Variants in ZNF469 observed in about 807,000 individuals in gnomAD.
The protein encoded by ZNF469 is zinc finger protein 469.
A neutral mutation model predicts 1.0 loss-of-function variants in ZNF469; 1 was observed. That is an observed-to-expected ratio of 1.00 (90% CI 0.35 to 4.73). The LOEUF (loss-of-function observed/expected upper bound fraction) is 4.73. Among genes scored for constraint, ZNF469 ranks in the 30% most tolerant of loss-of-function variants. The pLI is 0.16. For synonymous variants in ZNF469, 2,703 were observed against 2,363.4 expected (o/e 1.14, Z -4.17); for missense variants, 6,100 against 5,356.3 (o/e 1.14, Z -4.33).
the ZNF469 span, among the ~76,000 whole-genome samples, chr16:88,226,003 T>C: frequency 0.97 from 147,755 of 152,124 alleles, 71,901 homozygotes; most frequent in East Asian, 1. Context: ...GCTTTCTCTG[T>C]AGCCCCAGGA....
chr16:88,300,053 G>C, the ZNF469 span, among the ~76,000 whole-genome samples: 1 of 152,222 alleles, frequency 6.6e-6, no homozygotes, highest in Non-Finnish European at 1.5e-5. Flanking sequence ...GATGAGGAAG[G>C]AACGGGAGAA....
chr16:88,195,664 T>C, the ZNF469 span, among the ~76,000 whole-genome samples: 1 of 152,154 alleles, frequency 6.6e-6, no homozygotes, highest in African/African-American at 2.4e-5. Flanking sequence ...CAGCTAACAA[T>C]GGCAGATGGA....
the ZNF469 span, among the ~76,000 whole-genome samples, chr16:88,328,507 G>A: frequency 6.6e-6 from 1 of 152,238 alleles, no homozygotes; most frequent in Non-Finnish European, 1.5e-5. Context: ...CACGGCCCCA[G>A]TGCAAGACAC....
chr16:88,185,205 C>A, the ZNF469 span, among the ~76,000 whole-genome samples: 3 of 148,782 alleles, frequency 2.0e-5, no homozygotes, highest in Non-Finnish European at 3.0e-5. Context: ...ATTGGGACAC[C>A]CACGCATAGA....
At chr16:88,237,703 T>C in the ZNF469 span, among the ~76,000 whole-genome samples, 1 of 53,076 alleles carries the variant, frequency 1.9e-5, no homozygotes, top group Non-Finnish European at 4.5e-5. Flanking sequence ...TCTGTGCTCC[T>C]GCCAGTCACC....
chr16:88,415,523 A>G (rs1905280338), intron 1 of ZNF469, among the ~76,000 whole-genome samples: 1 of 152,204 alleles, frequency 6.6e-6, no homozygotes, highest in African/African-American at 2.4e-5. Context: ...CAGCCTGGGA[A>G]TGGCAGTGCA....
chr16:88,217,158 C>G, the ZNF469 span, among the ~76,000 whole-genome samples: 1 of 146,504 alleles, frequency 6.8e-6, no homozygotes, highest in South Asian at 2.2e-4. Flanking sequence ...TGAATACTAA[C>G]ACGGTGAATA....
chr16:88,122,930 C>G, the ZNF469 span, among the ~76,000 whole-genome samples: 5 of 148,704 alleles, frequency 3.4e-5, no homozygotes, highest in African/African-American at 1.3e-4. Flanking sequence ...ACAGCCTTGT[C>G]CTCCTGGGTT....
the ZNF469 span, among the ~76,000 whole-genome samples, chr16:88,341,531 G>T: frequency 5.1e-4 from 78 of 152,164 alleles, no homozygotes; most frequent in Non-Finnish European, 1.5e-5. Flanking sequence ...ATTTCCTTTC[G>T]CATTGACTCT....
At chr16:88,385,093 TG>T (rs955459905) in intron 1 of ZNF469, among the ~76,000 whole-genome samples, 1 of 152,206 alleles carries the variant, frequency 6.6e-6, no homozygotes, top group Non-Finnish European at 1.5e-5. Context: ...TTGACATTCC[TG>T]GTCAGGCCCC....
intron 1 of ZNF469, among the ~76,000 whole-genome samples, chr16:88,411,080 C>A (rs1274068554): frequency 3.3e-5 from 5 of 152,172 alleles, no homozygotes; most frequent in Non-Finnish European, 5.9e-5. Flanking sequence ...CAGGGCGACT[C>A]CTCTTAGCTA....
chr16:88,201,018 C>T, the ZNF469 span, among the ~76,000 whole-genome samples: 7 of 152,208 alleles, frequency 4.6e-5, no homozygotes, highest in Non-Finnish European at 1.5e-5. The surrounding 1 kb of genome is among the most constrained non-coding windows in gnomAD (Gnocchi z 5.0). Flanking sequence ...TTCTTTGGGA[C>T]CACGTCATCA....
intron 1 of ZNF469, among the ~76,000 whole-genome samples, chr16:88,393,240 C>T (rs942842528): frequency 1.3e-5 from 2 of 152,270 alleles, no homozygotes; most frequent in African/African-American, 4.8e-5. Context: ...AGCGGCCCTC[C>T]GTGCCCGGCC....
rs1189314507 is a variant in ZNF469 at position 88,429,856 on chromosome 16, A to G, written c.2386A>G (p.Thr796Ala). ...CGCGGGCTTGCTCAGCCACGCGAAG[A>G]CCTTCCTGTTAGCTGGGGACGCCCA... ...AHAGLLSHAKTFLLAGDAQAE... is the reference protein window; with the variant it reads ...AHAGLLSHAKAFLLAGDAQAE... The change falls in exon 3 of 3, where the codon ACC becomes GCC. Residue 796 changes from threonine (T) to alanine (A), a missense_variant. Transcript: ENST00000565624. 3 of 1,549,664 alleles carry G rather than the reference A, an allele frequency of 1.9e-6. No individual in the cohort carries two copies. Among genetic ancestry groups the G allele is most frequent in the Admixed American group, 2.0e-5 (1 of 51,002 alleles).
the ZNF469 span, among the ~76,000 whole-genome samples, chr16:88,330,928 C>T: frequency 6.6e-6 from 1 of 152,234 alleles, no homozygotes; most frequent in African/African-American, 2.4e-5. Context: ...GCAGCAAGTG[C>T]TCACTAAACA....
the ZNF469 span, among the ~76,000 whole-genome samples, chr16:88,122,099 G>A: frequency 3.5e-5 from 5 of 142,778 alleles, no homozygotes; most frequent in Non-Finnish European, 6.2e-5. Flanking sequence ...GCAGCCCCTC[G>A]GATCACACTC....
the ZNF469 span, among the ~76,000 whole-genome samples, chr16:88,330,589 G>C: frequency 6.6e-6 from 1 of 152,244 alleles, no homozygotes; most frequent in South Asian, 2.1e-4. Context: ...CATGGACAGA[G>C]GGACTAAGAA....
the ZNF469 span, among the ~76,000 whole-genome samples, chr16:88,341,332 A>C: frequency 6.6e-6 from 1 of 152,028 alleles, no homozygotes; most frequent in East Asian, 1.9e-4. Flanking sequence ...AGGGCCTCCC[A>C]CTGGGAACAT....
At chr16:88,259,261 C>G in the ZNF469 span, among the ~76,000 whole-genome samples, 3 of 146,408 alleles carry the variant, frequency 2.0e-5, no homozygotes, top group African/African-American at 7.4e-5. This position sits in a 1 kb window ranked among gnomAD's most constrained non-coding sequence, Gnocchi z 4.1. Context: ...CCCCCGCCCC[C>G]CCGAAGCGGG....
Sources: allele counts gnomAD v4.1 joint callset (sites outside exome capture counted in the v4.1 genomes callset), GRCh38; gene constraint gnomAD v4.1.1; non-coding constraint Gnocchi (gnomAD v3.1); transcripts MANE v1.5; gene names NCBI Gene and HGNC (gene_info 2026-07-23, HGNC 2026-07-21).